The following FGF14 variants were observed in gnomAD, a reference collection of about 807,000 sequenced individuals.
FGF14 encodes fibroblast growth factor homologous factor 4.
FGF14 carries 5 observed loss-of-function variants against 25.5 expected under a neutral mutation model. The ratio of observed to expected loss-of-function variants is 0.20; its 90% CI spans 0.10 to 0.41. The LOEUF (loss-of-function observed/expected upper bound fraction) is 0.41, where lower values mean the gene tolerates loss of function less well. Among genes scored for constraint, FGF14 ranks in the 10% least tolerant of loss-of-function variants. FGF14 has a pLI of 1.00. For missense variants in FGF14, 222 were observed against 320.1 expected (o/e 0.69, Z 2.34); for synonymous variants, 138 against 118.3 (o/e 1.17, Z -1.08).
At chr13:101,987,970 T>G (rs1175007914) in intron 1 of FGF14, among the ~76,000 whole-genome samples, 1 of 152,050 alleles carries the variant, frequency 6.6e-6, no homozygotes, top group African/African-American at 2.4e-5. Context: ...TGATGTATTT[T>G]CATTACCACT....
upstream of FGF14, among the ~76,000 whole-genome samples, chr13:101,918,615 T>C (rs1181843200): frequency 1.3e-5 from 2 of 152,220 alleles, no homozygotes; most frequent in African/African-American, 2.4e-5. Flanking sequence ...TGGGGGGAAG[T>C]GCAGCAGATT....
rs143553410 is a variant in FGF14, at chr13:101,994,138, C to T, written c.209-118842G>A. Among the ~76,000 whole-genome samples the T allele has an allele frequency of 3.7e-3, 558 of 151,842 alleles. 9 individuals are homozygous for T. The highest frequency in any genetic ancestry group is 0.031 in the Admixed American group (468 of 15,230). On this transcript the variant is annotated intron_variant, in intron 1 of 4. Coordinates refer to the FGF14 transcript ENST00000376131. ...TGAAACTTAATCTCAAATGATTTAGCCAGTGTGTATGTACATGTGTTTATG... is the reference window on the plus strand; with the variant it reads ...TGAAACTTAATCTCAAATGATTTAGTCAGTGTGTATGTACATGTGTTTATG...
intron 1 of FGF14, among the ~76,000 whole-genome samples, chr13:102,298,044 T>C (rs1435571738): frequency 6.6e-6 from 1 of 152,028 alleles, no homozygotes. Flanking sequence ...ATCACAAGTA[T>C]AATTGCAAAA....
chr13:102,282,854 T>TA (rs764944154), intron 1 of FGF14, among the ~76,000 whole-genome samples: 2,341 of 138,624 alleles, frequency 0.017, 39 homozygotes, highest in African/African-American at 0.051. Flanking sequence ...GTCATGCAAT[T>TA]AAAAAAAAAA....
At chr13:102,030,659 T>A (rs2041164267) in intron 1 of FGF14, among the ~76,000 whole-genome samples, 3 of 152,000 alleles carry the variant, frequency 2.0e-5, no homozygotes, top group Non-Finnish European at 4.4e-5. Context: ...GCTTCACTGA[T>A]GTCTTGGGTT....
rs553262899 is a variant in FGF14 at position 101,718,817 on chromosome 13, G to A, written c.*4014C>T. On this transcript the variant is annotated 3_prime_UTR_variant, in exon 5 of 5. Coordinates refer to ENST00000376143, the MANE Select transcript of FGF14 (RefSeq NM_004115.4). ...AAAACTAAAATATAACTCAGCCTTA[G>A]TTTGCAGACTCAACTGTCAACACTT... is the stretch of plus-strand genomic sequence containing the variant. 1 of 151,622 alleles carries A rather than the reference G, an allele frequency of 6.6e-6. No individual in the cohort carries two copies. The highest frequency in any genetic ancestry group is 2.1e-4 in the South Asian group (1 of 4,794). The allele number at this position is 151,622 out of a possible 1,614,324, so 9.4% of individuals were successfully genotyped here.
At chr13:101,993,198 A>G (rs1380195790) in intron 1 of FGF14, among the ~76,000 whole-genome samples, 1 of 151,370 alleles carries the variant, frequency 6.6e-6, no homozygotes, top group African/African-American at 2.4e-5. Context: ...GATTAAAAAA[A>G]AAAAAACCCA....
chr13:101,799,079 T>A (rs2040721493), intron 3 of FGF14, among the ~76,000 whole-genome samples: 1 of 152,186 alleles, frequency 6.6e-6, no homozygotes, highest in Non-Finnish European at 1.5e-5. Context: ...TGCATACGAA[T>A]GACTTCCAGC....
chr13:101,948,860 C>T (rs1002463378), intron 1 of FGF14, among the ~76,000 whole-genome samples: 2 of 152,122 alleles, frequency 1.3e-5, no homozygotes, highest in African/African-American at 4.8e-5. Flanking sequence ...TTTTTAAATA[C>T]AAACATAATC....
chr13:102,300,952 C>T (rs1390708759), intron 1 of FGF14, among the ~76,000 whole-genome samples: 1 of 150,422 alleles, frequency 6.6e-6, no homozygotes, highest in African/African-American at 2.4e-5. Context: ...CACACACACA[C>T]ACACACACAC....
At chr13:102,301,826 T>TCACACACACACACACACACA (rs3066038) in intron 1 of FGF14, among the ~76,000 whole-genome samples, 101 of 140,066 alleles carry the variant, frequency 7.2e-4, no homozygotes, top group Non-Finnish European at 6.6e-4. Flanking sequence ...TTCCTGTACT[T>TCACACACACACACACACACA]CACACACACA....
chr13:102,023,263 C>A (rs77482320), intron 1 of FGF14, among the ~76,000 whole-genome samples: 5,226 of 151,928 alleles, frequency 0.034, 299 homozygotes, highest in African/African-American at 0.12. Flanking sequence ...AAGAAGCAAA[C>A]CAATATATGA....
chr13:102,196,046 T>G (rs886126126), intron 1 of FGF14, among the ~76,000 whole-genome samples: 5 of 152,178 alleles, frequency 3.3e-5, no homozygotes, highest in African/African-American at 1.2e-4. Context: ...GGAAGCAGGA[T>G]GTATGTGTCA....
intron 1 of FGF14, among the ~76,000 whole-genome samples, chr13:101,910,848 G>T (rs1008623636): frequency 1.2e-5 from 1 of 82,554 alleles, no homozygotes; most frequent in African/African-American, 9.1e-5. Context: ...GTGTGTGTGT[G>T]TGTGTGTGTG....
chr13:101,777,958 C>A (rs2039238627), intron 3 of FGF14, among the ~76,000 whole-genome samples: 1 of 152,044 alleles, frequency 6.6e-6, no homozygotes, highest in South Asian at 2.1e-4. Flanking sequence ...GAGCAAGACT[C>A]CATCTCAAAA....
intron 1 of FGF14, among the ~76,000 whole-genome samples, chr13:102,399,255 A>G (rs2058648282): frequency 6.6e-6 from 1 of 152,206 alleles, no homozygotes; most frequent in African/African-American, 2.4e-5. Context: ...GCCTACAAAG[A>G]AACTTACTGT....
At chr13:102,393,011 G>A (rs1025572632) in intron 1 of FGF14, among the ~76,000 whole-genome samples, 2 of 152,180 alleles carry the variant, frequency 1.3e-5, no homozygotes, top group Non-Finnish European at 2.9e-5. Flanking sequence ...CTATTTCTCA[G>A]TTGTACTTGA....
intron 1 of FGF14, among the ~76,000 whole-genome samples, chr13:102,285,759 A>G (rs1388782165): frequency 6.6e-6 from 1 of 152,202 alleles, no homozygotes; most frequent in Non-Finnish European, 1.5e-5. Context: ...AACTTACAAT[A>G]GGGTAGGTAT....
intron 2 of FGF14, among the ~76,000 whole-genome samples, chr13:101,869,305 G>A (rs1363423253): frequency 6.6e-6 from 1 of 152,146 alleles, no homozygotes; most frequent in African/African-American, 2.4e-5. Flanking sequence ...GAACCAATAT[G>A]ATACGCCAGC....
Sources: allele counts gnomAD v4.1 joint callset (sites outside exome capture counted in the v4.1 genomes callset), GRCh38; gene constraint gnomAD v4.1.1; transcripts MANE v1.5; gene names NCBI Gene and HGNC (gene_info 2026-07-23, HGNC 2026-07-21).